The following RLN2 variants were observed in gnomAD, a reference collection of about 807,000 sequenced individuals.
RLN2 encodes prorelaxin H2.
A neutral mutation model predicts 7.3 loss-of-function variants in RLN2; 10 were observed. That is an observed-to-expected ratio of 1.36 (90% CI 0.84 to 2.31). RLN2 has a LOEUF of 2.31. RLN2 is among the 30% of genes most tolerant of loss of function. The pLI, the probability that RLN2 is intolerant of heterozygous loss-of-function variation, is 0.00. For missense variants in RLN2, 298 were observed against 217.6 expected, an observed-to-expected ratio of 1.37 and a Z score of -2.32; for synonymous variants, 103 against 82.3, an observed-to-expected ratio of 1.25 and a Z score of -1.36.
chr9:5,334,373 A>T, the RLN2 span, among the ~76,000 whole-genome samples: 1 of 152,038 alleles, frequency 6.6e-6, no homozygotes, highest in Non-Finnish European at 1.5e-5. Flanking sequence ...TTAACTTGTC[A>T]TTCAACTGTA....
the RLN2 span, among the ~76,000 whole-genome samples, chr9:5,318,553 G>C: frequency 1.3e-5 from 2 of 151,702 alleles, no homozygotes; most frequent in African/African-American, 4.9e-5. Flanking sequence ...AATTTAGTAA[G>C]GTCTCTTAAC....
chr9:5,303,121 G>C (rs1445705721), intron 1 of RLN2, among the ~76,000 whole-genome samples: 3 of 28,768 alleles, frequency 1.0e-4, no homozygotes, highest in Admixed American at 4.0e-4. Flanking sequence ...AGACGTTGTG[G>C]TATTTTTGTA....
the RLN2 span, among the ~76,000 whole-genome samples, chr9:5,313,549 T>C: frequency 5.9e-5 from 9 of 152,076 alleles, no homozygotes; most frequent in African/African-American, 2.2e-4. Flanking sequence ...AAACTTTTTA[T>C]TTTATTTAAT....
At chr9:5,337,689 G>A in the RLN2 span, among the ~76,000 whole-genome samples, 2 of 151,836 alleles carry the variant, frequency 1.3e-5, no homozygotes, top group Non-Finnish European at 2.9e-5. Flanking sequence ...ACCTAGTAAC[G>A]GTAAACATTT....
chr9:5,329,504 G>A, the RLN2 span, among the ~76,000 whole-genome samples: 2 of 151,360 alleles, frequency 1.3e-5, no homozygotes, highest in Non-Finnish European at 2.9e-5. Flanking sequence ...GCTGTATTCA[G>A]GAGACCCATC....
the RLN2 span, among the ~76,000 whole-genome samples, chr9:5,336,561 T>C: frequency 6.6e-6 from 1 of 152,090 alleles, no homozygotes; most frequent in Admixed American, 6.5e-5. Context: ...TTAAAAGATA[T>C]AAATTTTTAA....
At chr9:5,323,562 T>C in the RLN2 span, among the ~76,000 whole-genome samples, 4 of 151,874 alleles carry the variant, frequency 2.6e-5, no homozygotes, top group Non-Finnish European at 4.4e-5. Flanking sequence ...CAACTGACTG[T>C]TCTTGAATAT....
At chr9:5,319,836 C>G in the RLN2 span, among the ~76,000 whole-genome samples, 81 of 151,964 alleles carry the variant, frequency 5.3e-4, no homozygotes, top group African/African-American at 1.9e-3. Context: ...GAATAACATT[C>G]TTTATGAAGT....
At chr9:5,330,438 A>C in the RLN2 span, among the ~76,000 whole-genome samples, 1 of 151,804 alleles carries the variant, frequency 6.6e-6, no homozygotes, top group East Asian at 1.9e-4. Flanking sequence ...GGAGATCGAG[A>C]CCATCCTGCC....
At chr9:5,315,238 C>T in the RLN2 span, among the ~76,000 whole-genome samples, 3 of 151,718 alleles carry the variant, frequency 2.0e-5, no homozygotes, top group Non-Finnish European at 4.4e-5. Flanking sequence ...GAAAGCAATT[C>T]GTCATCTTAA....
chr9:5,318,007 CGTGTGT>C, the RLN2 span, among the ~76,000 whole-genome samples: 2 of 147,948 alleles, frequency 1.4e-5, no homozygotes, highest in Non-Finnish European at 1.5e-5. Flanking sequence ...TGTGTGTGTG[CGTGTGT>C]GTGTGTGTGT....
the RLN2 span, among the ~76,000 whole-genome samples, chr9:5,321,566 T>G: frequency 1.3e-5 from 2 of 151,782 alleles, 1 homozygote; most frequent in Admixed American, 1.3e-4. Context: ...ATCAAATATT[T>G]GTTGAAAAAA....
the RLN2 span, among the ~76,000 whole-genome samples, chr9:5,331,988 G>A: frequency 2.6e-5 from 4 of 151,722 alleles, no homozygotes; most frequent in Non-Finnish European, 5.9e-5. Flanking sequence ...CAAGTATAAG[G>A]GTGTCCATTG....
the RLN2 span, among the ~76,000 whole-genome samples, chr9:5,328,854 A>C: frequency 6.6e-6 from 1 of 152,056 alleles, no homozygotes. Flanking sequence ...TGAAGGAGAA[A>C]TAAAATCCTT....
At chr9:5,323,082 A>C in the RLN2 span, among the ~76,000 whole-genome samples, 2 of 151,694 alleles carry the variant, frequency 1.3e-5, no homozygotes, top group Non-Finnish European at 2.9e-5. Flanking sequence ...TTTTATCTGC[A>C]TAGCAAGGTA....
At chr9:5,316,407 C>T in the RLN2 span, among the ~76,000 whole-genome samples, 3 of 151,522 alleles carry the variant, frequency 2.0e-5, no homozygotes, top group African/African-American at 7.3e-5. Context: ...CCGATATCTA[C>T]ATTAGGTATT....
Position 5,300,182 on chromosome 9 carries a change from T to C in RLN2, c.474A>G (p.Arg158=), listed in dbSNP as rs1827127493. The C allele has an allele frequency of 1.9e-6, 3 of 1,613,844 alleles. No homozygotes were observed. Among genetic ancestry groups the C allele is most frequent in the Non-Finnish European group, 2.5e-6 (3 of 1,179,928 alleles). Residue 158 remains arginine, a synonymous_variant, in exon 2 of 2, where the codon CGA becomes CGG. Transcript: ENST00000381627. ...LKYLGLDTHS[R]KKRQLYSALA... is the part of the protein sequence containing the mutation. The stretch of plus-strand genomic sequence containing the variant: ...ATGCACTGTAGAGTTGTCTCTTTTT[T>C]CGAGAATGAGTATCCAAGCCTAAGT...
At chr9:5,338,110 TAC>T in the RLN2 span, among the ~76,000 whole-genome samples, 1 of 137,856 alleles carries the variant, frequency 7.3e-6, no homozygotes, top group African/African-American at 2.8e-5. Flanking sequence ...AATTCACATA[TAC>T]TTTTCAAAGT....
the RLN2 span, chr9:5,334,934 T>C: frequency 4.9e-6 from 1 of 204,696 alleles, no homozygotes; most frequent in African/African-American, 2.3e-5. Flanking sequence ...CTCATGTAAC[T>C]GTTGTTAGGT....
Sources: allele counts gnomAD v4.1 joint callset (sites outside exome capture counted in the v4.1 genomes callset), GRCh38; gene constraint gnomAD v4.1.1; transcripts MANE v1.5; gene names NCBI Gene and HGNC (gene_info 2026-07-23, HGNC 2026-07-21).